ANXA8: variants seen among roughly 807,000 people sequenced by gnomAD.
The protein encoded by ANXA8 is annexin A8, also known as VAC-beta.
Under a neutral mutation model 26.8 loss-of-function variants are expected in ANXA8, and 9 were observed. The ratio of observed to expected loss-of-function variants is 0.34; its 90% CI spans 0.20 to 0.59. The LOEUF (loss-of-function observed/expected upper bound fraction) is 0.59. Ranked by LOEUF, ANXA8 falls within the 20% of genes least tolerant of loss-of-function variation. ANXA8 has a pLI of 0.84. For synonymous variants in ANXA8, 39 were observed against 94.8 expected, an observed-to-expected ratio of 0.41 and a Z score of 3.42; for missense variants, 83 against 238.5, an observed-to-expected ratio of 0.35 and a Z score of 4.29.
chr10:47,685,767 T>C, the ANXA8 span, among the ~76,000 whole-genome samples: 1 of 149,126 alleles, frequency 6.7e-6, no homozygotes, highest in East Asian at 2.0e-4. Context: ...AGTAATGTTC[T>C]AGAAACTAAG....
chr10:47,667,153 G>A, the ANXA8 span, among the ~76,000 whole-genome samples: 1 of 152,002 alleles, frequency 6.6e-6, no homozygotes, highest in Non-Finnish European at 1.5e-5. Context: ...TCCTGCATTG[G>A]CACTTCTGTT....
chr10:47,556,568 C>A, the ANXA8 span, among the ~76,000 whole-genome samples: 2 of 151,774 alleles, frequency 1.3e-5, no homozygotes, highest in Non-Finnish European at 2.9e-5. Context: ...ATCCATCAGG[C>A]TGTAAGTTAA....
At chr10:47,558,665 C>G in the ANXA8 span, among the ~76,000 whole-genome samples, 1 of 151,658 alleles carries the variant, frequency 6.6e-6, no homozygotes, top group Non-Finnish European at 1.5e-5. Context: ...GGACTACAGG[C>G]ATGAGCCACC....
At chr10:47,944,424 T>A in the ANXA8 span, among the ~76,000 whole-genome samples, 1 of 149,530 alleles carries the variant, frequency 6.7e-6, no homozygotes, top group Non-Finnish European at 1.5e-5. Flanking sequence ...GCCCTGAGTC[T>A]TCCTTAAGTC....
At chr10:47,691,691 T>G in the ANXA8 span, among the ~76,000 whole-genome samples, 1 of 150,256 alleles carries the variant, frequency 6.7e-6, no homozygotes, top group Non-Finnish European at 1.5e-5. Flanking sequence ...CCCAGGAGGT[T>G]GAGGCTGCAG....
the ANXA8 span, among the ~76,000 whole-genome samples, chr10:47,731,138 GTACT>G: frequency 6.6e-6 from 1 of 152,306 alleles, no homozygotes; most frequent in Non-Finnish European, 1.5e-5. Flanking sequence ...GTATGGCGTG[GTACT>G]TATTCTGTAA....
chr10:47,511,281 T>C, the ANXA8 span, among the ~76,000 whole-genome samples: 22 of 142,590 alleles, frequency 1.5e-4, 3 homozygotes, highest in Admixed American at 1.5e-3. Flanking sequence ...TGTAGTGTAT[T>C]AAATAATCCT....
chr10:47,733,293 TTC>T, the ANXA8 span, among the ~76,000 whole-genome samples: 6 of 79,064 alleles, frequency 7.6e-5, no homozygotes, highest in Admixed American at 6.4e-4. Flanking sequence ...CTTTCTTTCT[TTC>T]TTTTTTTTCT....
At chr10:47,682,937 G>A in the ANXA8 span, among the ~76,000 whole-genome samples, 1 of 152,204 alleles carries the variant, frequency 6.6e-6, no homozygotes, top group African/African-American at 2.4e-5. Context: ...CTGGCCTAAG[G>A]CATCTCAGTT....
the ANXA8 span, among the ~76,000 whole-genome samples, chr10:47,492,391 A>G: frequency 6.8e-6 from 1 of 147,370 alleles, no homozygotes; most frequent in Non-Finnish European, 1.5e-5. Context: ...GCAGTCCTGG[A>G]GGAGTAGACA....
At chr10:47,733,985 G>A in the ANXA8 span, among the ~76,000 whole-genome samples, 1 of 152,214 alleles carries the variant, frequency 6.6e-6, no homozygotes, top group Non-Finnish European at 1.5e-5. Context: ...TTACCAGGCA[G>A]GGTTCAGCCC....
the ANXA8 span, among the ~76,000 whole-genome samples, chr10:47,955,002 G>C: frequency 0.02 from 2,901 of 148,550 alleles, 86 homozygotes; most frequent in African/African-American, 0.068. Context: ...TAGTTTGGCT[G>C]TGTCCCCACC....
chr10:47,970,162 C>T, the ANXA8 span: 2 of 151,312 alleles, frequency 1.3e-5, no homozygotes, highest in South Asian at 4.2e-4. Context: ...CCCTCCCTCA[C>T]TCGGTGTTGC....
chr10:47,722,853 T>A, the ANXA8 span, among the ~76,000 whole-genome samples: 1 of 141,682 alleles, frequency 7.1e-6, no homozygotes, highest in Non-Finnish European at 1.6e-5. Context: ...GGAGGGGAGA[T>A]GATGGTGGCT....
chr10:47,743,259 T>TAC, the ANXA8 span, among the ~76,000 whole-genome samples: 334 of 127,470 alleles, frequency 2.6e-3, 6 homozygotes, highest in East Asian at 9.9e-3. Context: ...TATATATATA[T>TAC]ATATACATAT....
chr10:47,699,921 A>G, the ANXA8 span, among the ~76,000 whole-genome samples: 33 of 151,966 alleles, frequency 2.2e-4, no homozygotes, highest in South Asian at 2.5e-3. Flanking sequence ...TTACTATAGT[A>G]ATAAAGAAGA....
the ANXA8 span, among the ~76,000 whole-genome samples, chr10:47,721,260 A>G: frequency 3.3e-4 from 47 of 142,522 alleles, 5 homozygotes; most frequent in South Asian, 9.0e-3. Flanking sequence ...AAATGTTTCT[A>G]TTCAATATAA....
chr10:47,580,582 A>T, the ANXA8 span, among the ~76,000 whole-genome samples: 10 of 149,984 alleles, frequency 6.7e-5, no homozygotes, highest in African/African-American at 2.3e-4. Context: ...CGAAAAAAAA[A>T]TTTTAAAATT....
the ANXA8 span, among the ~76,000 whole-genome samples, chr10:47,591,354 T>C: frequency 7.1e-6 from 1 of 140,504 alleles, no homozygotes; most frequent in African/African-American, 3.0e-5. Flanking sequence ...TACAAAGTCA[T>C]GAATAATCCA....
Sources: allele counts gnomAD v4.1 joint callset (sites outside exome capture counted in the v4.1 genomes callset), GRCh38; gene constraint gnomAD v4.1.1; transcripts MANE v1.5; gene names NCBI Gene and HGNC (gene_info 2026-07-23, HGNC 2026-07-21).